Variants in GDF1 observed in about 807,000 individuals in gnomAD.
The protein encoded by GDF1 is embryonic growth/differentiation factor 1.
In GDF1, 8 loss-of-function variants were observed where a neutral mutation model predicts 7.4. The observed-to-expected ratio is 1.09, with a 90% CI of 0.64 to 1.96. The LOEUF (loss-of-function observed/expected upper bound fraction) is 1.96, where lower values mean the gene tolerates loss of function less well. Among genes scored for constraint, GDF1 ranks in the 30% most tolerant of loss-of-function variants. GDF1 has a pLI of 0.00. For missense variants in GDF1, 574 were observed against 551.5 expected (o/e 1.04, Z -0.41); for synonymous variants, 311 against 276.7 (o/e 1.12, Z -1.23).
In GDF1 at chr19:18,870,367, G is replaced by C; in HGVS notation, c.-60C>G. On this transcript the variant is annotated 5_prime_UTR_variant, in exon 7 of 8. Coordinates refer to ENST00000247005, the MANE Select transcript of GDF1 (RefSeq NM_001492.6). The surrounding 1 kb of genome is among the most constrained non-coding windows in gnomAD (Gnocchi z 5.1). The stretch of plus-strand genomic sequence containing the variant: ...GTCCGCGGCGGCCCGGGACCAGTGG[G>C]CTGAGGGCGGGGCCGGTGTCCCCGG... 6.5e-7 allele frequency: 1 copy of C among 1,535,724 alleles called. No homozygotes were observed. Among genetic ancestry groups the C allele is most frequent in the African/African-American group, 1.4e-5 (1 of 72,576 alleles).
chr19:18,893,393 G>C, intron 2 of GDF1, 23 bp downstream of exon 2: 1 of 1,587,232 alleles, frequency 6.3e-7, no homozygotes, highest in Admixed American at 1.8e-5. Flanking sequence ...GAGCCCTCCC[G>C]GCCATCCCCT....
chr19:18,871,578 G>A (rs2055972019), intron 6 of GDF1, among the ~76,000 whole-genome samples: 1 of 152,128 alleles, frequency 6.6e-6, no homozygotes, highest in African/African-American at 2.4e-5. Flanking sequence ...TAGAGGTGAG[G>A]TTGCTATGTT....
At chr19:18,879,845 G>A (rs1330318399) in intron 4 of GDF1, among the ~76,000 whole-genome samples, 9 of 100,062 alleles carry the variant, frequency 9.0e-5, no homozygotes, top group Non-Finnish European at 1.2e-4. Flanking sequence ...CCTGCACAGC[G>A]CCTCCCTTTC....
At position 18,885,687 on chromosome 19, in the gene GDF1, T is replaced by C. The variant is rs529562298; in HGVS notation, c.-913-1420A>G. 3.5e-3 allele frequency among the ~76,000 whole-genome samples: 497 copies of C among 140,116 alleles called. 2 individuals are homozygous for C. The Middle Eastern group carries it at 0.04, about 11-fold the overall frequency. 91.9% of individuals were successfully genotyped at this position (140,116 alleles called of 152,430 possible). ...GGCACCCACCACCATGCCTGGCTAATTTTTTTTTTTTTCAGTAGAGACAGG... is the reference window on the plus strand; with the variant it reads ...GGCACCCACCACCATGCCTGGCTAACTTTTTTTTTTTTCAGTAGAGACAGG... On this transcript the variant is annotated intron_variant, in intron 2 of 7. Coordinates refer to ENST00000247005, the MANE Select transcript of GDF1 (RefSeq NM_001492.6).
intron 2 of GDF1, among the ~76,000 whole-genome samples, chr19:18,888,519 TAAAAAAAA>T (rs781426705): frequency 3.4e-5 from 2 of 59,050 alleles, no homozygotes; most frequent in African/African-American, 1.5e-4. Context: ...CCCTGTCTCT[TAAAAAAAA>T]AAAAAAAAAA....
intron 2 of GDF1, among the ~76,000 whole-genome samples, chr19:18,890,634 C>T (rs1179799454): frequency 2.0e-5 from 3 of 150,936 alleles, no homozygotes; most frequent in South Asian, 2.1e-4. Context: ...CAAAAAAATT[C>T]GCTGGGGGTG....
chr19:18,875,974 A>G (rs969601743), intron 6 of GDF1, among the ~76,000 whole-genome samples: 5 of 152,208 alleles, frequency 3.3e-5, no homozygotes, highest in African/African-American at 1.2e-4. Flanking sequence ...ATATTAGAGA[A>G]TAAGTTCCTG....
intron 3 of GDF1, among the ~76,000 whole-genome samples, chr19:18,882,239 C>G (rs564090817): frequency 6.6e-6 from 1 of 152,176 alleles, no homozygotes; most frequent in South Asian, 2.1e-4. Context: ...TGTTCTAAAC[C>G]TGTACTGTCC....
At chr19:18,883,627 A>G (rs1410860830) in intron 3 of GDF1, among the ~76,000 whole-genome samples, 1 of 152,236 alleles carries the variant, frequency 6.6e-6, no homozygotes, top group Non-Finnish European at 1.5e-5. Flanking sequence ...TTATGCACAC[A>G]GCATGGTGAG....
rs1443640287 is a variant in GDF1 at position 18,870,407 on chromosome 19, TG to T, written c.-101del. The T allele has an allele frequency of 6.5e-6, 7 of 1,084,320 alleles. No homozygotes were observed. Among genetic ancestry groups the T allele is most frequent in the Middle Eastern group, 3.2e-4 (1 of 3,092 alleles). The allele number at this position is 1,084,320 out of a possible 1,614,324, so 67.2% of individuals were successfully genotyped here. A position where few individuals can be genotyped will look rare whatever the true frequency, so the allele number is the denominator to read the frequency against. ...GGTGTCCCCGGAGGGGCAGGGGTCC[TG>T]GGGGGCGTGGCCGGGAACTGGAGGC... On this transcript the variant is annotated 5_prime_UTR_variant, in exon 7 of 8. Coordinates refer to ENST00000247005, the MANE Select transcript of GDF1 (RefSeq NM_001492.6). This position sits in a 1 kb window ranked among gnomAD's most constrained non-coding sequence, Gnocchi z 5.1.
chr19:18,884,293 A>G lies in GDF1; in HGVS notation c.-913-26T>C, dbSNP rs767662605. The G allele has an allele frequency of 5.0e-6, 8 of 1,593,512 alleles. No individual in the cohort carries two copies. In the Admixed American group the frequency reaches 1.4e-4, roughly 28 times the overall value. ...CTGGGGAGAGCCAAATCTCACAGTC[A>G]GGGCCCTGCGAAGCCTCTAGACGAT... is the stretch of plus-strand genomic sequence containing the variant. On this transcript the variant is annotated intron_variant, in intron 2 of 7. Coordinates refer to ENST00000247005, the MANE Select transcript of GDF1 (RefSeq NM_001492.6).
intron 6 of GDF1, among the ~76,000 whole-genome samples, chr19:18,876,789 A>G (rs1295933146): frequency 2.0e-5 from 3 of 152,168 alleles, no homozygotes; most frequent in Non-Finnish European, 2.9e-5. Flanking sequence ...TACAGCTTAC[A>G]TTTCCATGGC....
intron 3 of GDF1, among the ~76,000 whole-genome samples, chr19:18,882,543 G>A (rs1052787317): frequency 3.3e-5 from 5 of 151,546 alleles, no homozygotes; most frequent in South Asian, 2.1e-4. Flanking sequence ...GAGGCGAGGC[G>A]GGAGGATTGC....
chr19:18,893,739 G>A (rs908478858), intron 1 of GDF1, among the ~76,000 whole-genome samples, 164 bp from the exon 2 acceptor site: 5 of 152,258 alleles, frequency 3.3e-5, no homozygotes, highest in South Asian at 2.1e-4. Context: ...GCCCACAGGC[G>A]CCTGCCAAGG....
chr19:18,868,640 C>CG lies in GDF1; in HGVS notation c.1075dup (p.Arg359ProfsTer4). 6.4e-7 allele frequency: 1 copy of CG among 1,574,384 alleles called. No homozygotes were observed. The highest frequency in any genetic ancestry group is 8.6e-7 in the Non-Finnish European group (1 of 1,160,062). Reference sequence around the variant, plus strand: ...GTCCACCACCATGTCCTCATACTGCCGCAGCACCACGTTGTCGCTGTTGTC... The same window carrying CG: ...GTCCACCACCATGTCCTCATACTGCCGGCAGCACCACGTTGTCGCTGTTGTC... On this transcript the variant is annotated frameshift_variant, in exon 8 of 8. Coordinates refer to ENST00000247005, the MANE Select transcript of GDF1 (RefSeq NM_001492.6). LOFTEE classifies it high-confidence loss of function.
At chr19:18,876,554 G>GTA (rs1201520478) in intron 6 of GDF1, among the ~76,000 whole-genome samples, 4 of 151,234 alleles carry the variant, frequency 2.6e-5, no homozygotes, top group African/African-American at 7.3e-5. Context: ...GTGTGTGTGT[G>GTA]TGTGTGTGTG....
chr19:18,890,850 G>A (rs764813812), intron 2 of GDF1, among the ~76,000 whole-genome samples: 4 of 151,522 alleles, frequency 2.6e-5, no homozygotes, highest in African/African-American at 4.9e-5. Context: ...GAGGCTGGGC[G>A]TGGTGGCTCA....
chr19:18,879,447 C>T, intron 4 of GDF1, 59 bp from the exon 5 acceptor site: 1 of 1,535,596 alleles, frequency 6.5e-7, no homozygotes, highest in Non-Finnish European at 8.8e-7. Context: ...TACCCAGTCC[C>T]TGTCCTATCC....
At chr19:18,890,747 C>A (rs979318769) in intron 2 of GDF1, among the ~76,000 whole-genome samples, 1 of 148,032 alleles carries the variant, frequency 6.8e-6, no homozygotes, top group East Asian at 2.0e-4. Context: ...TGCCACTGTA[C>A]TCCAGCCTGA....
Sources: gnomAD v4.1 joint callset for allele counts (sites outside exome capture counted in the v4.1 genomes callset) on GRCh38, gnomAD v4.1.1 for gene constraint, Gnocchi (gnomAD v3.1) non-coding constraint, MANE v1.5 for transcripts, NCBI Gene and HGNC (gene_info 2026-07-23, HGNC 2026-07-21) for gene names.